Variants in CORO6 observed in about 807,000 individuals in gnomAD.
CORO6 encodes coronin 6.
A neutral mutation model predicts 49.0 loss-of-function variants in CORO6; 43 were observed. That is an observed-to-expected ratio of 0.88 (90% confidence interval 0.69 to 1.13). CORO6 has a LOEUF of 1.13. Among genes scored for constraint, CORO6 ranks in the 50% most tolerant of loss-of-function variants. The pLI, the probability that CORO6 is intolerant of heterozygous loss-of-function variation, is 0.00. For synonymous variants in CORO6, 233 were observed against 256.5 expected (o/e 0.91, Z 0.88); for missense variants, 650 against 647.0 (o/e 1.00, Z -0.05).
chr17:29,617,260 A>C, intron 6 of CORO6: 1 of 1,535,160 alleles, frequency 6.5e-7, no homozygotes, highest in Non-Finnish European at 8.7e-7. Context: ...CGCCGCATGC[A>C]GTCACAGCAA....
In CORO6 at chr17:29,617,581, C is replaced by G. The variant is rs946569912; in HGVS notation, c.672G>C (p.Arg224=). The change falls in exon 6 of 11, where the codon CGG becomes CGC. Residue 224 remains arginine (R), a synonymous_variant. Coordinates refer to ENST00000388767, the MANE Select transcript of CORO6 (RefSeq NM_032854.4). ...FAAHEGMRPM[R]AVFTRQGHIF... is the part of the protein sequence containing the mutation. ...TATGGCCCTGGCGCGTGAAGACGGC[C>G]CGCATGGGCCTCATCCCCTCGTGGG... 1.9e-6 allele frequency: 3 copies of G among 1,606,544 alleles called. No individual in the cohort carries two copies. The African/African-American group carries it at 4.0e-5, about 21-fold the overall frequency.
rs923862067 is a variant in CORO6, at chr17:29,617,596, C to T, written c.657G>A (p.Gly219=). Residue 219 remains glycine (G), a synonymous_variant, in exon 6 of 11, where the codon GGG becomes GGA. Coordinates refer to ENST00000388767, the MANE Select transcript of CORO6 (RefSeq NM_032854.4). ...VVAERFAAHE[G]MRPMRAVFTR... is the part of the protein sequence containing the mutation. ...TGAAGACGGCCCGCATGGGCCTCAT[C>T]CCCTCGTGGGCCGCAAACCTCTCCT... 1.2e-6 allele frequency: 2 copies of T among 1,602,584 alleles called. No homozygotes were observed.
At chr17:29,620,282 C>T (rs2035241710) in intron 2 of CORO6, among the ~76,000 whole-genome samples, 1 of 152,208 alleles carries the variant, frequency 6.6e-6, no homozygotes, top group South Asian at 2.1e-4. Context: ...GAGCTGGGGG[C>T]CCATCTATTT....
chr17:29,620,929 C>CT (rs1567811001), intron 2 of CORO6, among the ~76,000 whole-genome samples: 1 of 152,128 alleles, frequency 6.6e-6, no homozygotes, highest in Non-Finnish European at 1.5e-5. Flanking sequence ...CCAGGCTTGG[C>CT]TGTGCTGTGT....
chr17:29,618,569 GGGA>G, intron 5 of CORO6: 2 of 1,383,576 alleles, frequency 1.4e-6, no homozygotes, highest in Non-Finnish European at 1.9e-6. Context: ...TGAGATGCAA[GGGA>G]GGGGAGGGAA....
intron 5 of CORO6, chr17:29,618,255 C>G: frequency 7.7e-7 from 1 of 1,306,572 alleles, no homozygotes; most frequent in East Asian, 3.1e-5. Context: ...TGCACGCGGC[C>G]CACGCACCCG....
Position 29,619,676 on chromosome 17 carries a change from C to T in CORO6, c.296G>A (p.Ser99Asn). 1 of 1,613,820 alleles carries T rather than the reference C, an allele frequency of 6.2e-7. No homozygotes were observed. Among genetic ancestry groups the T allele is most frequent in the Non-Finnish European group, 8.5e-7 (1 of 1,179,868 alleles). The change falls in exon 3 of 11, where the codon AGT becomes AAT. Residue 99 changes from serine (S) to asparagine (N), a missense_variant. Coordinates refer to ENST00000388767, the MANE Select transcript of CORO6 (RefSeq NM_032854.4). ...WCPHNDNVIASASDDTTIMVW... is the reference protein window; with the variant it reads ...WCPHNDNVIANASDDTTIMVW... ...CATGATGGTGGTGTCGTCTGAGGCA[C>T]TGGCGATAACGTTGTCATTGTGTGG... is the stretch of plus-strand genomic sequence containing the variant.
At position 29,618,776 on chromosome 17, in the gene CORO6, G is replaced by A. The variant is rs1316841038; in HGVS notation, c.633+14C>T. 6.2e-7 allele frequency: 1 copy of A among 1,612,236 alleles called. No homozygotes were observed. Among genetic ancestry groups the A allele is most frequent in the South Asian group, 1.1e-5 (1 of 90,906 alleles). The stretch of plus-strand genomic sequence containing the variant: ...GTCAAGGGGTTCTGGGGAGTGGCCA[G>A]GCCAGGCACTCACCGCCACCACTTG... On this transcript the variant is annotated intron_variant, in intron 5 of 10. Coordinates refer to ENST00000388767, the MANE Select transcript of CORO6 (RefSeq NM_032854.4).
chr17:29,616,310 C>T lies in CORO6; in HGVS notation c.1031G>A (p.Cys344Tyr), dbSNP rs1031410044. Residue 344 changes from cysteine (C) to tyrosine (Y), a missense_variant, in exon 9 of 11, where the codon TGT becomes TAT. By Grantham distance (194) the Cys-to-Tyr change is radical (BLOSUM62 -2). Coordinates refer to ENST00000388767, the MANE Select transcript of CORO6 (RefSeq NM_032854.4). The surrounding 1 kb of genome is among the most constrained non-coding windows in gnomAD (Gnocchi z 5.6). ...ARFYKLHERKCEPIIMTVPRK... is the reference protein window; with the variant it reads ...ARFYKLHERKYEPIIMTVPRK... Reference sequence around the variant, plus strand: ...GGGCACAGTCATGATGATAGGTTCACACTTTCTTTCGTGTAGCTTGTAGAA... The same window carrying T: ...GGGCACAGTCATGATGATAGGTTCATACTTTCTTTCGTGTAGCTTGTAGAA... 6.2e-7 allele frequency: 1 copy of T among 1,609,978 alleles called. No homozygotes were observed.
rs779817411 is a variant in CORO6 at position 29,616,277 on chromosome 17, A to G, written c.1062+2T>C. 1 of 1,611,014 alleles carries G rather than the reference A, an allele frequency of 6.2e-7. No homozygotes were observed. ...TGCCCAACCCTTCTCCCGGCCCCTC[A>G]CCTTGCGGGGCACAGTCATGATGAT... On this transcript the variant is annotated splice_donor_variant, in intron 9 of 10. Transcript: ENST00000388767. LOFTEE classifies it high-confidence loss of function. This position sits in a 1 kb window ranked among gnomAD's most constrained non-coding sequence, Gnocchi z 5.6.
At chr17:29,617,260 A>G in intron 6 of CORO6, 5 of 1,535,160 alleles carry the variant, frequency 3.3e-6, no homozygotes, top group Non-Finnish European at 4.4e-6. Context: ...CGCCGCATGC[A>G]GTCACAGCAA....
Position 29,619,053 on chromosome 17 carries a change from C to A in CORO6, c.451+7G>T, listed in dbSNP as rs757122528. 6.2e-7 allele frequency: 1 copy of A among 1,612,660 alleles called. No homozygotes were observed. Among genetic ancestry groups the A allele is most frequent in the Non-Finnish European group, 8.5e-7 (1 of 1,179,136 alleles). ...ATCTATGGGGGACCCCTCCTTAGCCCCCAGACCTGCACTGAGCAGGACATT... is the reference window on the plus strand; with the variant it reads ...ATCTATGGGGGACCCCTCCTTAGCCACCAGACCTGCACTGAGCAGGACATT... On this transcript the variant is annotated splice_region_variant and intron_variant, in intron 4 of 10. Coordinates refer to ENST00000388767, the MANE Select transcript of CORO6 (RefSeq NM_032854.4).
rs1295314138 is a variant in CORO6, at chr17:29,621,011, A to G, written c.198+213T>C. Among the ~76,000 whole-genome samples the G allele has an allele frequency of 6.6e-6, 1 of 151,804 alleles. No homozygotes were observed. Among genetic ancestry groups the G allele is most frequent in the Non-Finnish European group, 1.5e-5 (1 of 67,912 alleles). On this transcript the variant is annotated intron_variant, in intron 2 of 10. Coordinates refer to ENST00000388767, the MANE Select transcript of CORO6 (RefSeq NM_032854.4). The surrounding 1 kb of genome is among the most constrained non-coding windows in gnomAD (Gnocchi z 4.2). ...ATGGGGTGGTGCATGGAGAGGTGGG[A>G]GGGCTAGGGAGTGGGAGTAAGCCAC...
At position 29,619,665 on chromosome 17, in the gene CORO6, C is replaced by T. The variant is rs1485148160; in HGVS notation, c.307G>A (p.Asp103Asn). ...NDNVIASASD[D>N]TTIMVWQIPD... ...CTGGCTCCTACCATGATGGTGGTGT[C>T]GTCTGAGGCACTGGCGATAACGTTG... The change falls in exon 3 of 11, where the codon GAC becomes AAC. Residue 103 changes from aspartate (D) to asparagine (N), a missense_variant. Physicochemically the swap from Asp to Asn is conservative, Grantham distance 23. Transcript: ENST00000388767. 15 of 1,613,478 alleles carry T rather than the reference C, an allele frequency of 9.3e-6. No homozygotes were observed. The highest frequency in any genetic ancestry group is 4.5e-5 in the East Asian group (2 of 44,884).
chr17:29,618,972 C>A lies in CORO6; in HGVS notation c.452-1G>T, dbSNP rs535204257. ...CAGATGATGATCACATTGTCACCAC[C>A]TGCCCAGAGTGGCCAGGCATGGTCA... On this transcript the variant is annotated splice_acceptor_variant, in intron 4 of 10. Transcript: ENST00000388767. LOFTEE classifies it high-confidence loss of function. 1 of 1,613,630 alleles carries A rather than the reference C, an allele frequency of 6.2e-7. No individual in the cohort carries two copies. Among genetic ancestry groups the A allele is most frequent in the South Asian group, 1.1e-5 (1 of 91,064 alleles).
At chr17:29,618,351 GC>G in intron 5 of CORO6, 2 of 1,291,238 alleles carry the variant, frequency 1.5e-6, no homozygotes, top group Non-Finnish European at 2.0e-6. Context: ...CGCGAGGGTT[GC>G]CCCATCCCCC....
At position 29,615,616 on chromosome 17, in the gene CORO6, C is replaced by T. The variant is rs1316829137; in HGVS notation, c.*116G>A. ...CTCCCGCGAGGGGCGGAGTTCCCTC[C>T]CCAGTCCCGCCCCCGGGCCCAGCCC... On this transcript the variant is annotated 3_prime_UTR_variant, in exon 11 of 11. Coordinates refer to ENST00000388767, the MANE Select transcript of CORO6 (RefSeq NM_032854.4). 1 of 1,177,686 alleles carries T rather than the reference C, an allele frequency of 8.5e-7. No individual in the cohort carries two copies. The highest frequency in any genetic ancestry group is 2.7e-5 in the East Asian group (1 of 36,740). The allele number at this position is 1,177,686 out of a possible 1,614,324, so 73.0% of individuals were successfully genotyped here. A position where few individuals can be genotyped will look rare whatever the true frequency, so the allele number is the denominator to read the frequency against.
chr17:29,615,905 A>G (rs1169729506), intron 10 of CORO6, 40 bp downstream of exon 10: 3 of 1,579,746 alleles, frequency 1.9e-6, no homozygotes, highest in Non-Finnish European at 2.6e-6. Context: ...CGGTTGGGGG[A>G]GATGTAGATT....
chr17:29,621,599 G>A lies in CORO6; in HGVS notation c.-63-115C>T. On this transcript the variant is annotated intron_variant, in intron 1 of 10. Coordinates refer to ENST00000388767, the MANE Select transcript of CORO6 (RefSeq NM_032854.4). The surrounding 1 kb of genome is among the most constrained non-coding windows in gnomAD (Gnocchi z 4.2). ...AGAAGCAGGGAGCTTTCTTCAAGGT[G>A]GTCAAAGTATGGGAAAGTTATTTTG... 7.0e-6 allele frequency: 8 copies of A among 1,139,676 alleles called. No individual in the cohort carries two copies. Among genetic ancestry groups the A allele is most frequent in the African/African-American group, 1.6e-5 (1 of 64,114 alleles). The allele number at this position is 1,139,676 out of a possible 1,614,324, so 70.6% of individuals were successfully genotyped here.
Sources: allele counts gnomAD v4.1 joint callset (sites outside exome capture counted in the v4.1 genomes callset), GRCh38; gene constraint gnomAD v4.1.1; non-coding constraint Gnocchi (gnomAD v3.1); transcripts MANE v1.5; gene names NCBI Gene and HGNC (gene_info 2026-07-23, HGNC 2026-07-21).